The following DLG2 variants were observed in gnomAD, a reference collection of about 807,000 sequenced individuals.
DLG2 encodes the protein disks large homolog 2.
Under a neutral mutation model 132.5 loss-of-function variants are expected in DLG2, and 45 were observed. The ratio of observed to expected loss-of-function variants is 0.34; its 90% CI spans 0.27 to 0.44. DLG2 has a LOEUF of 0.44. Ranked by LOEUF, DLG2 falls within the 20% of genes least tolerant of loss-of-function variation. The pLI, the probability that DLG2 is intolerant of heterozygous loss-of-function variation, is 1.00. For synonymous variants in DLG2, 424 were observed against 419.6 expected, an observed-to-expected ratio of 1.01 and a Z score of -0.13; for missense variants, 1,045 against 1,196.9, an observed-to-expected ratio of 0.87 and a Z score of 1.87.
intron 11 of DLG2, among the ~76,000 whole-genome samples, chr11:84,048,338 G>C (rs1164886336): frequency 2.0e-5 from 3 of 151,408 alleles, no homozygotes; most frequent in Admixed American, 1.3e-4. Context: ...AAATTTCCTT[G>C]TGTACCCCAG....
intron 6 of DLG2, among the ~76,000 whole-genome samples, chr11:84,551,386 T>C (rs2099401558): frequency 6.6e-6 from 1 of 152,200 alleles, no homozygotes; most frequent in African/African-American, 2.4e-5. Context: ...ACTCTTAAGA[T>C]GTAAGCCCCA....
chr11:84,930,619 G>C (rs2047972479), intron 6 of DLG2, among the ~76,000 whole-genome samples: 3 of 151,972 alleles, frequency 2.0e-5, no homozygotes, highest in Admixed American at 2.0e-4. Context: ...AACAAACAGA[G>C]AAAACAAAAG....
intron 6 of DLG2, among the ~76,000 whole-genome samples, chr11:84,755,761 C>T (rs1191336839): frequency 1.3e-5 from 2 of 152,174 alleles, no homozygotes; most frequent in African/African-American, 2.4e-5. Context: ...GGTAGGTCAA[C>T]AGATATTGTG....
At chr11:84,354,420 A>G (rs2098598986) in intron 7 of DLG2, among the ~76,000 whole-genome samples, 1 of 152,124 alleles carries the variant, frequency 6.6e-6, no homozygotes, top group Non-Finnish European at 1.5e-5. Context: ...TTCTCCTACT[A>G]TGTTCAGCTT....
chr11:83,598,525 T>TC (rs989185073), intron 19 of DLG2, among the ~76,000 whole-genome samples: 3 of 152,226 alleles, frequency 2.0e-5, no homozygotes, highest in African/African-American at 7.2e-5. Context: ...AACATTGATT[T>TC]CCTCTGTCCC....
At chr11:84,179,499 C>T (rs932815680) in intron 8 of DLG2, among the ~76,000 whole-genome samples, 14 of 152,080 alleles carry the variant, frequency 9.2e-5, no homozygotes, top group Admixed American at 2.6e-4. Context: ...TTGTTAGATG[C>T]TCAATGTGAA....
intron 7 of DLG2, among the ~76,000 whole-genome samples, chr11:84,320,196 T>C (rs926055518): frequency 3.9e-5 from 6 of 152,216 alleles, no homozygotes; most frequent in Admixed American, 2.0e-4. Context: ...ATATAACTTA[T>C]TGAACTCTCT....
intron 19 of DLG2, among the ~76,000 whole-genome samples, chr11:83,563,949 G>A (rs1354609771): frequency 2.0e-5 from 3 of 152,172 alleles, no homozygotes; most frequent in Non-Finnish European, 4.4e-5. Context: ...TTCTGTCTGA[G>A]AGAAAACTGA....
At chr11:83,742,789 T>C (rs976052918) in intron 18 of DLG2, among the ~76,000 whole-genome samples, 1 of 152,220 alleles carries the variant, frequency 6.6e-6, no homozygotes, top group African/African-American at 2.4e-5. Flanking sequence ...AGAATTTTTC[T>C]GTCTTGAGAT....
At chr11:83,548,548 A>G (rs1437656448) in intron 19 of DLG2, among the ~76,000 whole-genome samples, 1 of 152,176 alleles carries the variant, frequency 6.6e-6, no homozygotes, top group African/African-American at 2.4e-5. Context: ...TCTTTGGAAT[A>G]AAACAACTAC....
chr11:83,818,991 C>T (rs906656817), intron 17 of DLG2, among the ~76,000 whole-genome samples: 2 of 152,104 alleles, frequency 1.3e-5, no homozygotes, highest in African/African-American at 2.4e-5. Flanking sequence ...GTCTGCTACA[C>T]ACAAAGGAGA....
At chr11:85,292,464 G>A (rs1565278791) in intron 3 of DLG2, among the ~76,000 whole-genome samples, 1 of 151,598 alleles carries the variant, frequency 6.6e-6, no homozygotes, top group Non-Finnish European at 1.5e-5. Flanking sequence ...ACAGGAATGA[G>A]TGCAAAACCC....
chr11:85,069,713 A>T (rs1163228966), intron 6 of DLG2, among the ~76,000 whole-genome samples: 1 of 152,172 alleles, frequency 6.6e-6, no homozygotes, highest in East Asian at 1.9e-4. Context: ...TGGGACTGTA[A>T]ACTAGTTTAA....
intron 7 of DLG2, among the ~76,000 whole-genome samples, chr11:84,482,743 G>A (rs543289228): frequency 1.3e-5 from 2 of 152,150 alleles, no homozygotes; most frequent in African/African-American, 2.4e-5. Flanking sequence ...AGTCCTTTGA[G>A]AGCCCAAATA....
At chr11:84,801,600 C>T (rs12271903) in intron 6 of DLG2, among the ~76,000 whole-genome samples, 47,471 of 151,940 alleles carry the variant, frequency 0.31, 7,834 homozygotes, top group African/African-American at 0.35. Flanking sequence ...GCTTTTGTCG[C>T]TGGAATTACT....
At chr11:84,981,189 AAG>A (rs1247646970) in intron 6 of DLG2, among the ~76,000 whole-genome samples, 3 of 152,204 alleles carry the variant, frequency 2.0e-5, no homozygotes, top group African/African-American at 4.8e-5. Context: ...GAACTAAACT[AAG>A]AACTTTGAAA....
chr11:84,644,509 A>G (rs2099672114), intron 6 of DLG2, among the ~76,000 whole-genome samples: 1 of 152,008 alleles, frequency 6.6e-6, no homozygotes, highest in Non-Finnish European at 1.5e-5. Context: ...GATCGAGACC[A>G]TCCTGGCTAA....
chr11:83,635,392 A>T (rs2064527640), intron 18 of DLG2, among the ~76,000 whole-genome samples: 1 of 152,234 alleles, frequency 6.6e-6, no homozygotes, highest in Non-Finnish European at 1.5e-5. Flanking sequence ...CATGGGCATT[A>T]TCTCATTTCT....
intron 11 of DLG2, among the ~76,000 whole-genome samples, chr11:84,046,779 A>T (rs561025897): frequency 6.6e-6 from 1 of 151,640 alleles, no homozygotes; most frequent in East Asian, 1.9e-4. Context: ...TTAAAAATGC[A>T]TAAGCTGGTG....
Sources: gnomAD v4.1 joint callset for allele counts (sites outside exome capture counted in the v4.1 genomes callset) on GRCh38, gnomAD v4.1.1 for gene constraint, MANE v1.5 for transcripts, NCBI Gene and HGNC (gene_info 2026-07-23, HGNC 2026-07-21) for gene names.